The following ESRRG variants were observed in gnomAD, a reference collection of about 807,000 sequenced individuals.
ESRRG encodes the protein estrogen related receptor gamma, also known as estrogen-related receptor gamma.
ESRRG carries 13 observed loss-of-function variants against 44.0 expected under a neutral mutation model. That is an observed-to-expected ratio of 0.30 (90% CI 0.19 to 0.47). ESRRG has a LOEUF of 0.47. Among genes scored for constraint, ESRRG ranks in the 20% least tolerant of loss-of-function variants. The pLI, the probability that ESRRG is intolerant of heterozygous loss-of-function variation, is 1.00. For missense variants in ESRRG, 395 were observed against 580.6 expected (o/e 0.68, Z 3.29); for synonymous variants, 215 against 214.6 (o/e 1.00, Z -0.02).
chr1:216,527,638 C>T (rs1032889271), intron 5 of ESRRG, among the ~76,000 whole-genome samples: 21 of 152,084 alleles, frequency 1.4e-4, no homozygotes, highest in African/African-American at 4.8e-4. Flanking sequence ...CCCTAAGCAC[C>T]GCCATCCACC....
At chr1:217,031,235 C>A (rs1385401241) in intron 1 of ESRRG, among the ~76,000 whole-genome samples, 1 of 152,152 alleles carries the variant, frequency 6.6e-6, no homozygotes, top group Non-Finnish European at 1.5e-5. Flanking sequence ...GCTTGCCAAC[C>A]ACTGCTCACA....
chr1:216,825,694 G>A (rs2095380147), intron 2 of ESRRG, among the ~76,000 whole-genome samples: 1 of 152,118 alleles, frequency 6.6e-6, no homozygotes, highest in South Asian at 2.1e-4. Flanking sequence ...GGCAGCCTTG[G>A]GCTATGAACC....
At chr1:217,098,966 C>T (rs935501481) in intron 1 of ESRRG, among the ~76,000 whole-genome samples, 39 of 152,202 alleles carry the variant, frequency 2.6e-4, no homozygotes, top group Non-Finnish European at 5.7e-4. Context: ...CCAGTCCTCA[C>T]CTACTTTCCT....
At chr1:216,679,204 G>GA (rs2076604834) in intron 1 of ESRRG, among the ~76,000 whole-genome samples, 1 of 152,132 alleles carries the variant, frequency 6.6e-6, no homozygotes, top group South Asian at 2.1e-4. Context: ...ACTAGCGAAA[G>GA]AAAAAAATAT....
intron 2 of ESRRG, among the ~76,000 whole-genome samples, chr1:216,766,134 A>G (rs933216191): frequency 5.9e-5 from 9 of 152,136 alleles, no homozygotes; most frequent in African/African-American, 2.2e-4. Context: ...GTGCACTCAC[A>G]TGGAAAAACT....
intron 2 of ESRRG, among the ~76,000 whole-genome samples, chr1:216,666,757 AC>A (rs2074021956): frequency 6.6e-6 from 1 of 152,176 alleles, no homozygotes; most frequent in Non-Finnish European, 1.5e-5. Flanking sequence ...TTAAAATTCC[AC>A]CTTGCAAAAG....
intron 2 of ESRRG, among the ~76,000 whole-genome samples, chr1:216,795,253 A>G (rs1026955485): frequency 8.6e-5 from 13 of 151,912 alleles, no homozygotes; most frequent in Non-Finnish European, 1.8e-4. Context: ...TCTTTAATGT[A>G]TATCTATTTT....
At chr1:216,960,666 G>T (rs2068860982) in intron 1 of ESRRG, among the ~76,000 whole-genome samples, 1 of 152,000 alleles carries the variant, frequency 6.6e-6, no homozygotes, top group South Asian at 2.1e-4. Flanking sequence ...GCTAGCTGCA[G>T]CCTTGAACTC....
intron 1 of ESRRG, among the ~76,000 whole-genome samples, chr1:217,045,580 G>A (rs538118341): frequency 6.6e-6 from 1 of 152,326 alleles, no homozygotes; most frequent in East Asian, 1.9e-4. Flanking sequence ...GTCTTTGTGA[G>A]GAGGCACGAG....
At chr1:216,925,549 G>C (rs1430331021) in intron 2 of ESRRG, among the ~76,000 whole-genome samples, 1 of 152,172 alleles carries the variant, frequency 6.6e-6, no homozygotes, top group African/African-American at 2.4e-5. Flanking sequence ...TCAAATACAA[G>C]AGAAGAACAT....
intron 1 of ESRRG, among the ~76,000 whole-genome samples, chr1:217,048,943 G>C (rs1177211170): frequency 6.6e-6 from 1 of 152,020 alleles, no homozygotes; most frequent in Non-Finnish European, 1.5e-5. Context: ...GTCTTCCTTT[G>C]CCCATTGGAT....
chr1:216,796,258 C>A (rs1039437111), intron 2 of ESRRG, among the ~76,000 whole-genome samples: 1 of 152,146 alleles, frequency 6.6e-6, no homozygotes, highest in African/African-American at 2.4e-5. Flanking sequence ...GCATGTACAC[C>A]CTTACCCCAC....
intron 3 of ESRRG, among the ~76,000 whole-genome samples, chr1:216,569,862 A>G (rs1214993922): frequency 6.6e-6 from 1 of 152,206 alleles, no homozygotes; most frequent in Non-Finnish European, 1.5e-5. Flanking sequence ...CGGGCTCTGT[A>G]AAACTCTAAG....
chr1:216,845,026 T>C (rs959323545), intron 2 of ESRRG, among the ~76,000 whole-genome samples: 1 of 152,150 alleles, frequency 6.6e-6, no homozygotes, highest in African/African-American at 2.4e-5. Flanking sequence ...ATGACTCTTA[T>C]TTAAAGTAGC....
chr1:216,853,258 A>T (rs1001097751), intron 2 of ESRRG, among the ~76,000 whole-genome samples: 1 of 152,160 alleles, frequency 6.6e-6, no homozygotes. Context: ...CTTCTGATTG[A>T]GGCTTCACTT....
At chr1:216,528,848 C>G (rs1221981682) in intron 5 of ESRRG, among the ~76,000 whole-genome samples, 1 of 151,986 alleles carries the variant, frequency 6.6e-6, no homozygotes, top group Non-Finnish European at 1.5e-5. Flanking sequence ...CTTCTCAGTC[C>G]AGTTTAGAAC....
At chr1:216,561,871 G>A (rs918066600) in intron 5 of ESRRG, among the ~76,000 whole-genome samples, 1 of 152,104 alleles carries the variant, frequency 6.6e-6, no homozygotes, top group Admixed American at 6.6e-5. Context: ...AGAGAATAAC[G>A]TCAGTCCCCA....
intron 1 of ESRRG, among the ~76,000 whole-genome samples, chr1:217,006,950 G>T (rs542534482): frequency 6.6e-6 from 1 of 152,210 alleles, no homozygotes; most frequent in African/African-American, 2.4e-5. Context: ...TGCCATCAGC[G>T]ATAAAGGCTA....
At chr1:216,976,783 T>G (rs1172744677) in intron 1 of ESRRG, among the ~76,000 whole-genome samples, 2 of 152,202 alleles carry the variant, frequency 1.3e-5, no homozygotes, top group Admixed American at 1.3e-4. Flanking sequence ...CAAATGAGTC[T>G]GTCTTTCCTC....
Sources: gnomAD v4.1 joint callset for allele counts (sites outside exome capture counted in the v4.1 genomes callset) on GRCh38, gnomAD v4.1.1 for gene constraint, MANE v1.5 for transcripts, NCBI Gene and HGNC (gene_info 2026-07-23, HGNC 2026-07-21) for gene names.